The following OTOGL variants were observed in gnomAD, a reference collection of about 807,000 sequenced individuals.
OTOGL encodes otogelin-like protein.
A neutral mutation model predicts 318.5 loss-of-function variants in OTOGL; 285 were observed. The ratio of observed to expected loss-of-function variants is 0.89; its 90% CI spans 0.81 to 0.99. The LOEUF is 0.99. Ranked by LOEUF, OTOGL falls within the 50% of genes least tolerant of loss-of-function variation. The probability of loss-of-function intolerance (pLI) is 0.00; values close to 1 mark genes in which losing one functional copy is unlikely to be tolerated. For missense variants in OTOGL, 2,899 were observed against 2,845.6 expected (o/e 1.02, Z -0.43); for synonymous variants, 987 against 936.5 (o/e 1.05, Z -0.99).
chr12:80,336,134 T>A lies in OTOGL; in HGVS notation c.4594T>A (p.Cys1532Ser), dbSNP rs1888381875. ...TGATATCTGCTGCCCTGAGTGGGAA[T>A]GTCCTTGTAAGTTTGCATTTCTTAA... The part of the protein sequence containing the change: ...NSDICCPEWE[C>S]PCRCSMLSEL... Residue 1532 changes from cysteine to serine, a missense_variant, in exon 39 of 59, where the codon TGT (cysteine) becomes AGT (serine). This residue lies in a region of OTOGL where 2,607 missense variants were observed against 2,524.9 expected (regional missense o/e 1.03). Transcript: ENST00000547103. The A allele has an allele frequency of 6.3e-7, 1 of 1,585,158 alleles. No homozygotes were observed. Among genetic ancestry groups the A allele is most frequent in the African/African-American group, 1.4e-5 (1 of 74,032 alleles).
chr12:80,368,175 G>A, intron 54 of OTOGL, 30 bp from the exon 55 acceptor site: 1 of 1,421,314 alleles, frequency 7.0e-7, no homozygotes, highest in Non-Finnish European at 9.8e-7. Flanking sequence ...TATTGATATG[G>A]TGTCGCTAAT....
At chr12:80,341,813 G>A (rs1176167114) in intron 43 of OTOGL, 135 bp from the exon 44 acceptor site, 1 of 654,548 alleles carries the variant, frequency 1.5e-6, no homozygotes, top group East Asian at 2.8e-5. Context: ...CAATGTAAAA[G>A]TTCAAGGATA....
chr12:80,336,957 G>A lies in OTOGL; in HGVS notation c.4813G>A (p.Val1605Met), dbSNP rs761179576. Residue 1605 changes from valine (V) to methionine (M), a missense_variant, in exon 42 of 59, where the codon GTG becomes ATG. Physicochemically the swap from Val to Met is conservative, Grantham distance 21. Transcript: ENST00000547103. Reference protein sequence around the residue: ...ISGLCFKKLNVTTPIHKIIVN... With the variant: ...ISGLCFKKLNMTTPIHKIIVN... ...TGGACTTTGTTTTAAGAAGTTAAATGTGACAACACCCATACATAAAATAAT... is the reference window on the plus strand; with the variant it reads ...TGGACTTTGTTTTAAGAAGTTAAATATGACAACACCCATACATAAAATAAT... The A allele has an allele frequency of 6.3e-7, 1 of 1,595,706 alleles. No individual in the cohort carries two copies. The highest frequency in any genetic ancestry group is 1.1e-5 in the South Asian group (1 of 87,666).
chr12:80,256,794 T>C (rs533758488), intron 17 of OTOGL, among the ~76,000 whole-genome samples: 1 of 152,168 alleles, frequency 6.6e-6, no homozygotes, highest in African/African-American at 2.4e-5. Context: ...GAGAGGGGTG[T>C]ACTGAAATGG....
At position 80,305,830 on chromosome 12, in the gene OTOGL, A is replaced by G. The variant is rs1886074941; in HGVS notation, c.3333+135A>G. On this transcript the variant is annotated intron_variant, in intron 29 of 58. Coordinates refer to ENST00000547103, the MANE Select transcript of OTOGL (RefSeq NM_001378609.3). ...AGTAATTTATAGCTGATAAACATTC[A>G]TATTTATCTTCTCATGTAATTTTTC... 4.0e-6 allele frequency: 3 copies of G among 753,174 alleles called. No individual in the cohort carries two copies. In the Admixed American group the frequency reaches 1.1e-4, roughly 29 times the overall value. 46.7% of individuals were successfully genotyped at this position (753,174 alleles called of 1,614,324 possible).
intron 26 of OTOGL, among the ~76,000 whole-genome samples, chr12:80,283,993 C>G (rs182438077): frequency 2.5e-4 from 38 of 152,172 alleles, no homozygotes; most frequent in Admixed American, 7.9e-4. Context: ...TCCCCCCACA[C>G]ATTAGGTATT....
chr12:80,276,956 T>C (rs1425420884), intron 24 of OTOGL, among the ~76,000 whole-genome samples: 1 of 151,458 alleles, frequency 6.6e-6, no homozygotes, highest in Non-Finnish European at 1.5e-5. Context: ...TTATTTCTGT[T>C]TTAGAGAAGA....
chr12:80,351,290 GTT>G (rs367974556), intron 44 of OTOGL, among the ~76,000 whole-genome samples: 2 of 149,166 alleles, frequency 1.3e-5, no homozygotes, highest in Admixed American at 6.7e-5. Context: ...TTGCCATTGT[GTT>G]TTTTTTTTTT....
At chr12:80,346,062 A>G (rs1227460911) in intron 44 of OTOGL, among the ~76,000 whole-genome samples, 2 of 152,204 alleles carry the variant, frequency 1.3e-5, no homozygotes, top group African/African-American at 4.8e-5. Context: ...TCCTCAATTC[A>G]CTGCAGATTT....
intron 21 of OTOGL, 132 bp downstream of exon 21, chr12:80,266,748 G>A: frequency 1.1e-6 from 1 of 918,776 alleles, no homozygotes; most frequent in Non-Finnish European, 1.6e-6. Flanking sequence ...AAAAAACCCT[G>A]CAAATGTTCA....
chr12:80,366,458 G>T, intron 52 of OTOGL, 116 bp from the exon 53 acceptor site: 1 of 418,740 alleles, frequency 2.4e-6, no homozygotes, highest in Non-Finnish European at 4.5e-6. Context: ...TGTTATCACT[G>T]AGTATGTGTG....
At chr12:80,306,792 A>ATTT (rs1565970226) in intron 29 of OTOGL, among the ~76,000 whole-genome samples, 25 of 80,594 alleles carry the variant, frequency 3.1e-4, no homozygotes, top group East Asian at 1.1e-3. Context: ...TTTAAATTTT[A>ATTT]TTTTATTATT....
At chr12:80,313,293 A>G (rs1886757234) in intron 30 of OTOGL, among the ~76,000 whole-genome samples, 183 bp from the exon 31 acceptor site, 1 of 152,120 alleles carries the variant, frequency 6.6e-6, no homozygotes, top group South Asian at 2.1e-4. Context: ...TTGATGTGAC[A>G]TTTTCCTAAT....
chr12:80,362,723 A>G (rs970725135), intron 52 of OTOGL, among the ~76,000 whole-genome samples: 1 of 152,206 alleles, frequency 6.6e-6, no homozygotes, highest in Non-Finnish European at 1.5e-5. Flanking sequence ...GATGGCAACC[A>G]TCAAGAAAAG....
intron 1 of OTOGL, among the ~76,000 whole-genome samples, chr12:80,178,091 G>T (rs1874661169): frequency 2.8e-5 from 3 of 105,804 alleles, no homozygotes; most frequent in East Asian, 3.2e-4. Context: ...TTGAGACAGA[G>T]TCTCTGTCAT....
In OTOGL at chr12:80,296,449, T is replaced by C. The variant is rs1001112521; in HGVS notation, c.2929-378T>C. 4.6e-5 allele frequency among the ~76,000 whole-genome samples: 7 copies of C among 152,198 alleles called. 1 individual carries two copies. The highest frequency in any genetic ancestry group is 4.6e-4 in the Admixed American group (7 of 15,272). On this transcript the variant is annotated intron_variant, in intron 26 of 58. Transcript: ENST00000547103. ...ACAAATAATTATTCAGCCAGAAATA[T>C]CGTTTAAATAAAACAAAAGACATAT... is the stretch of plus-strand genomic sequence containing the variant.
At chr12:80,256,763 G>A (rs1160452522) in intron 17 of OTOGL, among the ~76,000 whole-genome samples, 1 of 152,082 alleles carries the variant, frequency 6.6e-6, no homozygotes, top group East Asian at 1.9e-4. Flanking sequence ...GTCTAAATGA[G>A]GTGCAGCTCA....
At chr12:80,286,083 G>A (rs1042729773) in intron 26 of OTOGL, among the ~76,000 whole-genome samples, 1 of 152,074 alleles carries the variant, frequency 6.6e-6, no homozygotes, top group Non-Finnish European at 1.5e-5. Flanking sequence ...TAGCATAAAG[G>A]GATGTTTAAT....
At chr12:80,137,407 A>C (rs992065307) in intron 1 of OTOGL, among the ~76,000 whole-genome samples, 2 of 152,164 alleles carry the variant, frequency 1.3e-5, no homozygotes, top group Non-Finnish European at 2.9e-5. Flanking sequence ...CAAAAGGATC[A>C]CTTTAACCTG....
Sources: gnomAD v4.1 joint callset for allele counts (sites outside exome capture counted in the v4.1 genomes callset) on GRCh38, gnomAD v4.1.1 for gene constraint, gnomAD v4.1.1 regional missense constraint, MANE v1.5 for transcripts, NCBI Gene and HGNC (gene_info 2026-07-23, HGNC 2026-07-21) for gene names.